Variants in POLE2 observed in about 807,000 individuals in gnomAD.
POLE2 encodes DNA polymerase epsilon subunit 2.
Under a neutral mutation model 79.4 loss-of-function variants are expected in POLE2, and 56 were observed. The ratio of observed to expected loss-of-function variants is 0.71; its 90% CI spans 0.57 to 0.88. The LOEUF (loss-of-function observed/expected upper bound fraction) is 0.88, where lower values mean the gene tolerates loss of function less well. POLE2 is among the 40% of genes least tolerant of loss of function. The pLI, the probability that POLE2 is intolerant of heterozygous loss-of-function variation, is 0.00. For synonymous variants in POLE2, 212 were observed against 214.0 expected, an observed-to-expected ratio of 0.99 and a Z score of 0.08; for missense variants, 598 against 638.9, an observed-to-expected ratio of 0.94 and a Z score of 0.69.
chr14:49,673,585 G>A (rs1040432205), intron 5 of POLE2, among the ~76,000 whole-genome samples: 1 of 152,050 alleles, frequency 6.6e-6, no homozygotes, highest in Non-Finnish European at 1.5e-5. Context: ...TACATTGTTT[G>A]TATCTCTTTT....
At chr14:49,685,168 T>C (rs1887037873) in intron 1 of POLE2, among the ~76,000 whole-genome samples, 2 of 152,202 alleles carry the variant, frequency 1.3e-5, no homozygotes, top group Non-Finnish European at 2.9e-5. Flanking sequence ...CATTCTGTAT[T>C]TGTAGCACAC....
Position 49,643,597 on chromosome 14 carries a change from GAT to G in POLE2, c.*53_*54del, listed in dbSNP as rs1366508337. 4 of 902,840 alleles carry G rather than the reference GAT, an allele frequency of 4.4e-6. No homozygotes were observed. Among genetic ancestry groups the G allele is most frequent in the African/African-American group, 1.7e-5 (1 of 57,986 alleles). 55.9% of individuals were successfully genotyped at this position (902,840 alleles called of 1,614,324 possible). A position where few individuals can be genotyped will look rare whatever the true frequency, so the allele number is the denominator to read the frequency against. On this transcript the variant is annotated 3_prime_UTR_variant, in exon 19 of 19. Coordinates refer to ENST00000216367, the MANE Select transcript of POLE2 (RefSeq NM_002692.4). ...TTATTGTAATATCAGAATCACATAAGATATAGAGTTAAGCAGAAAACTGATGA... is the reference window on the plus strand; with the variant it reads ...TTATTGTAATATCAGAATCACATAAGATAGAGTTAAGCAGAAAACTGATGA...
intron 3 of POLE2, among the ~76,000 whole-genome samples, chr14:49,675,458 T>C (rs937092366): frequency 4.6e-5 from 7 of 151,976 alleles, no homozygotes; most frequent in African/African-American, 1.7e-4. Flanking sequence ...GTTTTGTTTT[T>C]TGAGACAGTC....
intron 1 of POLE2, among the ~76,000 whole-genome samples, chr14:49,687,934 G>C (rs982623275): frequency 6.6e-6 from 1 of 152,064 alleles, no homozygotes. Context: ...TCCTGACCTC[G>C]TGATCCGCCC....
At chr14:49,663,671 TTAAG>T (rs1410604567) in intron 9 of POLE2, among the ~76,000 whole-genome samples, 4 of 152,182 alleles carry the variant, frequency 2.6e-5, no homozygotes, top group East Asian at 1.9e-4. Flanking sequence ...CTATATAAAA[TTAAG>T]TGTTTTTTTC....
intron 3 of POLE2, among the ~76,000 whole-genome samples, chr14:49,678,414 C>G (rs1886462491): frequency 1.3e-5 from 2 of 152,042 alleles, no homozygotes; most frequent in Non-Finnish European, 2.9e-5. Context: ...GTACATGGCT[C>G]TGTGCAGGAC....
At chr14:49,647,462 TTTA>T in intron 17 of POLE2, 102 bp from the exon 18 acceptor site, 1 of 376,942 alleles carries the variant, frequency 2.7e-6, no homozygotes, top group African/African-American at 2.2e-5. Flanking sequence ...ATTTTATTTA[TTTA>T]TTTTTTTTTT....
chr14:49,677,604 G>T, intron 3 of POLE2: 1 of 544,622 alleles, frequency 1.8e-6, no homozygotes. Context: ...AGCAGTCACT[G>T]TGTCATTGAT....
At position 49,650,273 on chromosome 14, in the gene POLE2, T is replaced by C. The variant is rs142322471; in HGVS notation, c.1489A>G (p.Ile497Val). 590 of 1,590,696 alleles carry C rather than the reference T, an allele frequency of 3.7e-4. 1 individual carries two copies. Among genetic ancestry groups the C allele is most frequent in the Non-Finnish European group, 4.8e-4 (564 of 1,164,406 alleles). ...FTTTNTECLC[I>V]NPGSFPRSGF... ...ATTAACTACATTCTTACAGGGTTTA[T>C]GCAGAGGCATTCGGTATTTGTCGTA... Residue 497 changes from isoleucine (I) to valine (V), a missense_variant, in exon 17 of 19, where the codon ATA becomes GTA. Coordinates refer to ENST00000216367, the MANE Select transcript of POLE2 (RefSeq NM_002692.4).
intron 18 of POLE2, among the ~76,000 whole-genome samples, chr14:49,643,895 TTC>T (rs1373997271): frequency 4.2e-5 from 6 of 144,520 alleles, no homozygotes; most frequent in African/African-American, 1.1e-4. Flanking sequence ...TTTTTTTTTT[TTC>T]GAGAGGGAGT....
Position 49,683,683 on chromosome 14 carries a change from T to A in POLE2, c.79A>T (p.Lys27Ter). ...RGLLLRGEAI[K>*]YLTEALQSIS... ...GACTGAAGAGCTTCTGTGAGGTACTTAATAGCTTCACTAAGAAAAGGAAAG... is the reference window on the plus strand; with the variant it reads ...GACTGAAGAGCTTCTGTGAGGTACTAAATAGCTTCACTAAGAAAAGGAAAG... Residue 27 changes from lysine to a stop codon, truncating the protein, a stop_gained, in exon 2 of 19, where the codon AAG becomes TAG. Coordinates refer to ENST00000216367, the MANE Select transcript of POLE2 (RefSeq NM_002692.4). LOFTEE classifies it high-confidence loss of function. The A allele has an allele frequency of 6.5e-7, 1 of 1,530,688 alleles. No homozygotes were observed. The highest frequency in any genetic ancestry group is 9.0e-7 in the Non-Finnish European group (1 of 1,112,480). The allele number at this position is 1,530,688 out of a possible 1,614,324, so 94.8% of individuals were successfully genotyped here. A position where few individuals can be genotyped will look rare whatever the true frequency, so the allele number is the denominator to read the frequency against.
Position 49,669,649 on chromosome 14 carries a change from A to T in POLE2, c.418-51T>A, listed in dbSNP as rs752678359. The T allele has an allele frequency of 9.6e-6, 9 of 933,500 alleles. No homozygotes were observed. The African/African-American group carries it at 1.5e-4, about 15-fold the overall frequency. 57.8% of individuals were successfully genotyped at this position (933,500 alleles called of 1,614,324 possible). A position where few individuals can be genotyped will look rare whatever the true frequency, so the allele number is the denominator to read the frequency against. ...ATTCCTGAAACAGACATTTAAATAT[A>T]AGATTCATTAAAATAGTGCCCTGAT... On this transcript the variant is annotated intron_variant, in intron 5 of 18. Coordinates refer to ENST00000216367, the MANE Select transcript of POLE2 (RefSeq NM_002692.4).
At chr14:49,677,860 C>A in intron 3 of POLE2, 1 of 423,304 alleles carries the variant, frequency 2.4e-6, no homozygotes, top group Non-Finnish European at 4.2e-6. Flanking sequence ...TACTGCAGCC[C>A]CCAGCTCCTG....
At chr14:49,676,793 G>T (rs149021164) in intron 3 of POLE2, among the ~76,000 whole-genome samples, 1 of 152,218 alleles carries the variant, frequency 6.6e-6, no homozygotes, top group Non-Finnish European at 1.5e-5. Flanking sequence ...CATCCTGGTC[G>T]TTGCTATGTG....
intron 6 of POLE2, among the ~76,000 whole-genome samples, chr14:49,667,908 A>T (rs1885599892): frequency 6.6e-6 from 1 of 152,210 alleles, no homozygotes; most frequent in Admixed American, 6.5e-5. Flanking sequence ...AGAAAAAAAT[A>T]AAAACTTATA....
chr14:49,667,667 CCT>C (rs1594592006), intron 6 of POLE2, among the ~76,000 whole-genome samples: 1 of 152,054 alleles, frequency 6.6e-6, no homozygotes, highest in South Asian at 2.1e-4. Flanking sequence ...ACCTCAGCCC[CCT>C]GAGTCACCAA....
chr14:49,677,177 C>A (rs768135524), intron 3 of POLE2, among the ~76,000 whole-genome samples: 1 of 152,208 alleles, frequency 6.6e-6, no homozygotes, highest in Non-Finnish European at 1.5e-5. Context: ...AGCCAAGAAG[C>A]AAACATGCAT....
intron 18 of POLE2, 98 bp downstream of exon 18, chr14:49,647,195 C>T: frequency 3.0e-6 from 2 of 675,920 alleles, no homozygotes; most frequent in Non-Finnish European, 5.2e-6. Context: ...CCACTGTAGA[C>T]ATTTTCAAAA....
intron 10 of POLE2, among the ~76,000 whole-genome samples, chr14:49,656,659 C>G: frequency 6.6e-6 from 1 of 152,122 alleles, no homozygotes. Context: ...CTACACACTC[C>G]CAGCCTCCAC....
Sources: allele counts gnomAD v4.1 joint callset (sites outside exome capture counted in the v4.1 genomes callset), GRCh38; gene constraint gnomAD v4.1.1; transcripts MANE v1.5; gene names NCBI Gene and HGNC (gene_info 2026-07-23, HGNC 2026-07-21).